Variants in PLCB1 observed in about 807,000 individuals in gnomAD.
PLCB1 encodes the protein phospholipase C beta 1.
PLCB1 carries 46 observed loss-of-function variants against 161.8 expected under a neutral mutation model. The ratio of observed to expected loss-of-function variants is 0.28; its 90% confidence interval spans 0.22 to 0.36. The LOEUF is 0.36. Ranked by LOEUF, PLCB1 falls within the 10% of genes least tolerant of loss-of-function variation. The probability of loss-of-function intolerance (pLI) is 1.00; values close to 1 mark genes in which losing one functional copy is unlikely to be tolerated. For synonymous variants in PLCB1, 517 were observed against 503.7 expected, an observed-to-expected ratio of 1.03 and a Z score of -0.35; for missense variants, 1,016 against 1,472.5, an observed-to-expected ratio of 0.69 and a Z score of 5.07.
At chr20:8,790,067 C>G in intron 30 of PLCB1, 108 bp from the exon 31 acceptor site, 1 of 716,376 alleles carries the variant, frequency 1.4e-6, no homozygotes, top group Non-Finnish European at 2.4e-6. Context: ...ATCAGGAGAT[C>G]AAATAATCAA....
At chr20:8,796,435 T>C (rs1369281539) in intron 31 of PLCB1, among the ~76,000 whole-genome samples, 1 of 152,210 alleles carries the variant, frequency 6.6e-6, no homozygotes, top group East Asian at 1.9e-4. Context: ...TTTAAAGTAA[T>C]GCATTTGTGC....
rs186159319 is a variant in PLCB1, at chr20:8,789,277, G to T, written c.3279-241G>T. Among the ~76,000 whole-genome samples, 413 of 152,282 alleles carry T rather than the reference G, an allele frequency of 2.7e-3. 2 individuals carry two copies. Among genetic ancestry groups the T allele is most frequent in the African/African-American group, 9.4e-3 (392 of 41,562 alleles). On this transcript the variant is annotated intron_variant, in intron 29 of 31. Transcript: ENST00000338037. Reference sequence around the variant, plus strand: ...ACCTATATTTCCAGCTACTCAGAAGGCTGAGGCTGGAGGATGGCTTCAGCA... The same window carrying T: ...ACCTATATTTCCAGCTACTCAGAAGTCTGAGGCTGGAGGATGGCTTCAGCA...
At chr20:8,575,591 GT>G (rs1986651801) in intron 3 of PLCB1, among the ~76,000 whole-genome samples, 1 of 152,318 alleles carries the variant, frequency 6.6e-6, no homozygotes. Context: ...CCGCTCTAGG[GT>G]TTTGGTGGAC....
At chr20:8,783,802 G>C (rs1983352321) in intron 27 of PLCB1, among the ~76,000 whole-genome samples, 1 of 152,134 alleles carries the variant, frequency 6.6e-6, no homozygotes, top group African/African-American at 2.4e-5. Flanking sequence ...TTGACATGTA[G>C]GAAAAATCTT....
chr20:8,414,462 C>T (rs1430526367), intron 3 of PLCB1, among the ~76,000 whole-genome samples: 1 of 152,074 alleles, frequency 6.6e-6, no homozygotes, highest in Non-Finnish European at 1.5e-5. Flanking sequence ...CTATAAGATG[C>T]CTTAGACACA....
intron 31 of PLCB1, among the ~76,000 whole-genome samples, chr20:8,868,251 C>T (rs1395804783): frequency 1.3e-5 from 2 of 152,148 alleles, no homozygotes; most frequent in East Asian, 1.9e-4. Flanking sequence ...CCAGGATCTT[C>T]CAAGTATGAC....
chr20:8,144,470 G>A (rs2051434432), intron 1 of PLCB1, among the ~76,000 whole-genome samples: 1 of 152,094 alleles, frequency 6.6e-6, no homozygotes. Context: ...CCACTGTTTT[G>A]CACCCTCTAC....
intron 31 of PLCB1, among the ~76,000 whole-genome samples, chr20:8,827,705 A>C (rs1985775116): frequency 6.6e-6 from 1 of 152,260 alleles, no homozygotes; most frequent in Non-Finnish European, 1.5e-5. Context: ...ACAGGGTTCA[A>C]ATCCAGGCCA....
chr20:8,812,578 G>T (rs1467792343), intron 31 of PLCB1, among the ~76,000 whole-genome samples: 1 of 152,316 alleles, frequency 6.6e-6, no homozygotes, highest in East Asian at 1.9e-4. Context: ...CAGCAGTCTT[G>T]TGTCCATGGA....
chr20:8,517,948 C>T (rs1445576202), intron 3 of PLCB1, among the ~76,000 whole-genome samples: 2 of 152,160 alleles, frequency 1.3e-5, no homozygotes, highest in Non-Finnish European at 2.9e-5. Flanking sequence ...CTTTGGGAGG[C>T]TGAGGCAGGT....
intron 3 of PLCB1, among the ~76,000 whole-genome samples, chr20:8,513,184 G>C (rs1477624133): frequency 2.0e-5 from 3 of 152,162 alleles, no homozygotes; most frequent in Non-Finnish European, 4.4e-5. Context: ...TCAAGAACAA[G>C]CAAAGTTGAT....
intron 3 of PLCB1, among the ~76,000 whole-genome samples, chr20:8,523,484 CT>C (rs1984438895): frequency 1.7e-5 from 1 of 59,866 alleles, no homozygotes; most frequent in African/African-American, 9.3e-5. Context: ...CTCTCTCTCT[CT>C]CTCTCTCTCT....
intron 3 of PLCB1, among the ~76,000 whole-genome samples, chr20:8,482,865 T>C (rs1982564876): frequency 6.6e-6 from 1 of 151,796 alleles, no homozygotes. Context: ...CAAAGAGATA[T>C]TTGGCAAATG....
chr20:8,718,695 G>A (rs139885320), intron 14 of PLCB1, among the ~76,000 whole-genome samples: 1 of 152,296 alleles, frequency 6.6e-6, no homozygotes, highest in African/African-American at 2.4e-5. Context: ...CACCTGCAAT[G>A]TCCCTTTTAT....
intron 3 of PLCB1, among the ~76,000 whole-genome samples, chr20:8,572,687 T>G (rs1986558470): frequency 6.6e-6 from 1 of 152,182 alleles, no homozygotes; most frequent in Non-Finnish European, 1.5e-5. Context: ...TTCTCCATTG[T>G]TCGATCAGAC....
chr20:8,765,449 T>C (rs748193436), intron 26 of PLCB1, 91 bp downstream of exon 26: 35 of 939,028 alleles, frequency 3.7e-5, no homozygotes, highest in Admixed American at 2.2e-4. Flanking sequence ...TTTGGACCTG[T>C]ACCATGGCAA....
chr20:8,297,521 A>T (rs980812475), intron 2 of PLCB1, among the ~76,000 whole-genome samples: 1 of 152,202 alleles, frequency 6.6e-6, no homozygotes, highest in African/African-American at 2.4e-5. Context: ...TTGATAAAAA[A>T]TTCCAAAAGG....
intron 10 of PLCB1, among the ~76,000 whole-genome samples, chr20:8,692,194 A>G (rs1171763736): frequency 6.6e-6 from 1 of 151,936 alleles, no homozygotes; most frequent in African/African-American, 2.4e-5. Context: ...TAATTATTCA[A>G]CTCCTCTCCT....
chr20:8,212,301 G>A (rs1187484281), intron 2 of PLCB1, among the ~76,000 whole-genome samples: 1 of 152,042 alleles, frequency 6.6e-6, no homozygotes, highest in East Asian at 1.9e-4. Flanking sequence ...AATTTCCTAA[G>A]TCTAGAACAG....
Sources: allele counts gnomAD v4.1 joint callset (sites outside exome capture counted in the v4.1 genomes callset), GRCh38; gene constraint gnomAD v4.1.1; transcripts MANE v1.5; gene names NCBI Gene and HGNC (gene_info 2026-07-23, HGNC 2026-07-21).